Variants in COBLL1 observed in about 807,000 individuals in gnomAD.
COBLL1 encodes cordon-bleu WH2 repeat protein like 1.
A neutral mutation model predicts 94.8 loss-of-function variants in COBLL1; 50 were observed. The observed-to-expected ratio is 0.53, with a 90% CI of 0.42 to 0.67. COBLL1 has a LOEUF of 0.67. Ranked by LOEUF, COBLL1 falls within the 30% of genes least tolerant of loss-of-function variation. The pLI is 0.00. For missense variants in COBLL1, 1,362 were observed against 1,348.7 expected (o/e 1.01, Z -0.15); for synonymous variants, 448 against 473.8 (o/e 0.95, Z 0.71).
At chr2:164,692,096 A>G (rs2105422217) in intron 13 of COBLL1, 125 bp downstream of exon 13, 1 of 785,752 alleles carries the variant, frequency 1.3e-6, no homozygotes, top group Non-Finnish European at 1.9e-6. Context: ...TATACTTCAA[A>G]GACACAGAAG....
chr2:164,748,000 G>C (rs1057003048), intron 2 of COBLL1, among the ~76,000 whole-genome samples: 2 of 152,070 alleles, frequency 1.3e-5, no homozygotes, highest in African/African-American at 4.8e-5. Context: ...GAAAATTTAG[G>C]TCAGTGAAAG....
intron 2 of COBLL1, among the ~76,000 whole-genome samples, chr2:164,819,321 A>G (rs1267112396): frequency 6.6e-6 from 1 of 152,200 alleles, no homozygotes; most frequent in Non-Finnish European, 1.5e-5. Flanking sequence ...TAAAGTCAAC[A>G]AGAGAAGAAT....
chr2:164,771,441 C>T (rs942898396), intron 2 of COBLL1, among the ~76,000 whole-genome samples: 18 of 151,954 alleles, frequency 1.2e-4, no homozygotes, highest in Non-Finnish European at 1.9e-4. Flanking sequence ...TCAGGCACTA[C>T]AGCATGATTA....
intron 2 of COBLL1, among the ~76,000 whole-genome samples, chr2:164,759,070 C>T (rs1687557134): frequency 6.6e-6 from 1 of 151,970 alleles, no homozygotes; most frequent in South Asian, 2.1e-4. Flanking sequence ...GAATGCATGT[C>T]AGCCAAGCAA....
At chr2:164,659,136 T>C (rs1691029115) in intron 2 of COBLL1, among the ~76,000 whole-genome samples, 1 of 152,182 alleles carries the variant, frequency 6.6e-6, no homozygotes, top group Non-Finnish European at 1.5e-5. Context: ...CTAGAGTCTG[T>C]ATATATATTT....
At chr2:164,787,887 T>G (rs1682949072) in intron 2 of COBLL1, among the ~76,000 whole-genome samples, 1 of 152,208 alleles carries the variant, frequency 6.6e-6, no homozygotes, top group African/African-American at 2.4e-5. Context: ...GTGCCTTCTT[T>G]TATGACTTGG....
At chr2:164,754,205 C>T (rs1687278506) in intron 2 of COBLL1, among the ~76,000 whole-genome samples, 1 of 152,122 alleles carries the variant, frequency 6.6e-6, no homozygotes, top group African/African-American at 2.4e-5. Context: ...ATGCTGACTA[C>T]ATGTTAAAAT....
intron 9 of COBLL1, chr2:164,703,231 A>T (rs764128975): frequency 3.9e-5 from 62 of 1,586,532 alleles, no homozygotes; most frequent in Non-Finnish European, 3.3e-5. Flanking sequence ...CTGCCAAAGA[A>T]GTAGAATCTG....
intron 2 of COBLL1, among the ~76,000 whole-genome samples, chr2:164,814,594 T>C (rs1006902003): frequency 5.4e-5 from 8 of 148,980 alleles, no homozygotes. Context: ...CTTCTGCTAA[T>C]CTTTCTTTTT....
intron 2 of COBLL1, among the ~76,000 whole-genome samples, chr2:164,817,118 G>T (rs1684794448): frequency 6.6e-6 from 1 of 152,154 alleles, no homozygotes; most frequent in Non-Finnish European, 1.5e-5. Context: ...GAACATGAAT[G>T]ATGAGAACTC....
intron 2 of COBLL1, among the ~76,000 whole-genome samples, chr2:164,814,208 C>T (rs1046143500): frequency 6.6e-6 from 1 of 152,062 alleles, no homozygotes; most frequent in Non-Finnish European, 1.5e-5. Flanking sequence ...TCCCCTCTAC[C>T]CTTCCCCATC....
chr2:164,753,048 C>T (rs575551620), intron 2 of COBLL1, among the ~76,000 whole-genome samples: 1 of 152,284 alleles, frequency 6.6e-6, no homozygotes, highest in South Asian at 2.1e-4. Flanking sequence ...GAAAGAGTCA[C>T]ATGGACAGGA....
chr2:164,807,174 G>A (rs1287999276), intron 2 of COBLL1, among the ~76,000 whole-genome samples: 1 of 152,076 alleles, frequency 6.6e-6, no homozygotes, highest in East Asian at 1.9e-4. Context: ...GACCAGGCAT[G>A]GTGGCTCACA....
intron 3 of COBLL1, among the ~76,000 whole-genome samples, chr2:164,740,091 T>C (rs1186186676): frequency 1.3e-5 from 2 of 152,182 alleles, no homozygotes; most frequent in Admixed American, 1.3e-4. Flanking sequence ...ATAGCATCAA[T>C]GAGTCATGCC....
intron 2 of COBLL1, among the ~76,000 whole-genome samples, chr2:164,660,241 T>C (rs980555689): frequency 6.6e-6 from 1 of 152,192 alleles, no homozygotes. Flanking sequence ...CACAGTAATA[T>C]TGCATTGATT....
chr2:164,838,687 A>G (rs1007505562), intron 2 of COBLL1, among the ~76,000 whole-genome samples: 1 of 152,198 alleles, frequency 6.6e-6, no homozygotes, highest in African/African-American at 2.4e-5. Flanking sequence ...ACTTGGTGCT[A>G]TGTTAAAATG....
chr2:164,800,577 C>G (rs901242735), intron 2 of COBLL1: 23 of 701,486 alleles, frequency 3.3e-5, no homozygotes, highest in Non-Finnish European at 4.7e-5. Flanking sequence ...AAAAAGAAAT[C>G]AAAATTTTGT....
intron 5 of COBLL1, chr2:164,727,247 A>G (rs928950420): frequency 3.9e-5 from 21 of 540,918 alleles, no homozygotes; most frequent in Middle Eastern, 5.6e-4. Flanking sequence ...TGGATTACAT[A>G]AAGCCACCAC....
chr2:164,675,516 C>T (rs1691321343), downstream of COBLL1, among the ~76,000 whole-genome samples: 1 of 151,920 alleles, frequency 6.6e-6, no homozygotes, highest in Non-Finnish European at 1.5e-5. Flanking sequence ...AAGAAAGCTG[C>T]CAAAGAATCT....
Sources: allele counts gnomAD v4.1 joint callset (sites outside exome capture counted in the v4.1 genomes callset), GRCh38; gene constraint gnomAD v4.1.1; transcripts MANE v1.5; gene names NCBI Gene and HGNC (gene_info 2026-07-23, HGNC 2026-07-21).